LRRFIP1: variants seen among roughly 807,000 people sequenced by gnomAD.
LRRFIP1 encodes the protein LRR binding FLII interacting protein 1.
In LRRFIP1, 62 loss-of-function variants were observed where a neutral mutation model predicts 104.4. The observed-to-expected ratio is 0.59, with a 90% confidence interval of 0.48 to 0.73. The LOEUF is 0.73. LRRFIP1 is among the 30% of genes least tolerant of loss of function. The probability of loss-of-function intolerance (pLI) is 0.00; values close to 1 mark genes in which losing one functional copy is unlikely to be tolerated. For missense variants in LRRFIP1, 796 were observed against 824.5 expected, an observed-to-expected ratio of 0.97 and a Z score of 0.42; for synonymous variants, 300 against 299.0, an observed-to-expected ratio of 1.00 and a Z score of -0.03.
At chr2:237,674,801 G>A (rs1013511500) in intron 1 of LRRFIP1, among the ~76,000 whole-genome samples, 6 of 152,280 alleles carry the variant, frequency 3.9e-5, no homozygotes, top group African/African-American at 9.6e-5. Context: ...CTTTCGGGTT[G>A]TTGCTGAGAG....
At chr2:237,638,428 G>T (rs146920194) in intron 1 of LRRFIP1, among the ~76,000 whole-genome samples, 25 of 152,204 alleles carry the variant, frequency 1.6e-4, no homozygotes, top group African/African-American at 5.3e-4. Context: ...TCACTCACCC[G>T]CCTGCCGCTC....
Position 237,760,135 on chromosome 2 carries a change from AT to A in LRRFIP1, c.1390del (p.Tyr464ThrfsTer7). ...CTTCCGACACCCTCAATAATGTTGGATACCAAGGTCCTACCAAGATGACAAA... is the reference window on the plus strand; with the variant it reads ...CTTCCGACACCCTCAATAATGTTGGAACCAAGGTCCTACCAAGATGACAAA... ...ETSDTLNNVGYQGPTKMTKEE... is the reference protein window; with the variant it reads ...ETSDTLNNVGXQGPTKMTKEE... On this transcript the variant is annotated frameshift_variant, in exon 19 of 24. Transcript: ENST00000308482. LOFTEE classifies it high-confidence loss of function. The A allele has an allele frequency of 4.3e-6, 7 of 1,614,008 alleles. No individual in the cohort carries two copies. The highest frequency in any genetic ancestry group is 5.9e-6 in the Non-Finnish European group (7 of 1,179,880).
intron 1 of LRRFIP1, among the ~76,000 whole-genome samples, chr2:237,699,344 T>C (rs2093373093): frequency 6.7e-6 from 1 of 149,824 alleles, no homozygotes; most frequent in South Asian, 2.1e-4. Context: ...GGTTTTTCTT[T>C]TCTTTTTTTT....
At chr2:237,690,565 C>T (rs1455091725) in intron 1 of LRRFIP1, among the ~76,000 whole-genome samples, 1 of 151,830 alleles carries the variant, frequency 6.6e-6, no homozygotes, top group Non-Finnish European at 1.5e-5. Context: ...GGTGAAACCC[C>T]GACTCTACTA....
At chr2:237,769,476 G>A (rs955613405) in intron 19 of LRRFIP1, 4 of 160,640 alleles carry the variant, frequency 2.5e-5, no homozygotes, top group Non-Finnish European at 5.5e-5. Context: ...AGATACTCAT[G>A]GCACTGACAT....
At chr2:237,680,262 T>C (rs1475441695) in intron 1 of LRRFIP1, among the ~76,000 whole-genome samples, 1 of 152,118 alleles carries the variant, frequency 6.6e-6, no homozygotes, top group East Asian at 1.9e-4. Flanking sequence ...AAGGCCAAGA[T>C]GGGAGGGTCG....
intron 1 of LRRFIP1, among the ~76,000 whole-genome samples, chr2:237,628,435 C>CT (rs35206141): frequency 4.1e-4 from 62 of 149,924 alleles, no homozygotes; most frequent in South Asian, 4.2e-4. Context: ...GTACAAATGC[C>CT]TTTTTTTTTT....
intron 11 of LRRFIP1, 93 bp from the exon 12 acceptor site, chr2:237,748,271 T>G: frequency 1.1e-6 from 1 of 950,112 alleles, no homozygotes; most frequent in Non-Finnish European, 1.7e-6. Context: ...GCAAATGTTT[T>G]GTTTTGTTTT....
chr2:237,660,677 T>C (rs1432131536), intron 1 of LRRFIP1, among the ~76,000 whole-genome samples: 2 of 152,186 alleles, frequency 1.3e-5, no homozygotes, highest in African/African-American at 2.4e-5. Flanking sequence ...CAAACAAATT[T>C]GTCTGCCATA....
At chr2:237,719,464 A>G in intron 4 of LRRFIP1, 59 bp from the exon 5 acceptor site, 1 of 1,297,612 alleles carries the variant, frequency 7.7e-7, no homozygotes, top group Non-Finnish European at 1.1e-6. Flanking sequence ...AGCTTTTTTA[A>G]AGCACTTTTC....
intron 1 of LRRFIP1, among the ~76,000 whole-genome samples, chr2:237,666,057 C>T (rs868255821): frequency 3.9e-5 from 6 of 152,330 alleles, no homozygotes; most frequent in Middle Eastern, 3.4e-3. Flanking sequence ...ACCCTGGCTG[C>T]ACCACCGATT....
rs565701830 is a variant in LRRFIP1 at position 237,680,133 on chromosome 2, G to C, written c.97-28411G>C. On this transcript the variant is annotated intron_variant, in intron 1 of 23. Coordinates refer to ENST00000308482, the MANE Select transcript of LRRFIP1 (RefSeq NM_001137550.2). Reference sequence around the variant, plus strand: ...TAAATACAGTTGGCCCTTTGTGTCTGTGGGTTCCACATTCATGGATTCAAC... The same window carrying C: ...TAAATACAGTTGGCCCTTTGTGTCTCTGGGTTCCACATTCATGGATTCAAC... 1.1e-4 allele frequency among the ~76,000 whole-genome samples: 17 copies of C among 152,276 alleles called. No homozygotes were observed. The South Asian group carries it at 3.5e-3, about 32-fold the overall frequency.
chr2:237,692,553 C>G (rs1298221401), intron 1 of LRRFIP1: 18 of 1,490,332 alleles, frequency 1.2e-5, no homozygotes, highest in Middle Eastern at 1.8e-4. Context: ...AACTTTCTTT[C>G]GTGACTGCGG....
At chr2:237,664,161 C>T (rs1449679579) in intron 1 of LRRFIP1, among the ~76,000 whole-genome samples, 1 of 152,200 alleles carries the variant, frequency 6.6e-6, no homozygotes, top group Non-Finnish European at 1.5e-5. Flanking sequence ...CAGCCAGAGC[C>T]GTTTTAGTGA....
chr2:237,744,811 TC>T (rs2057591119), intron 11 of LRRFIP1, among the ~76,000 whole-genome samples: 1 of 152,252 alleles, frequency 6.6e-6, no homozygotes, highest in Non-Finnish European at 1.5e-5. Context: ...TGCAATGTGT[TC>T]GGCGCTGTCG....
chr2:237,634,854 T>A (rs2149269912), intron 1 of LRRFIP1, among the ~76,000 whole-genome samples: 1 of 152,360 alleles, frequency 6.6e-6, no homozygotes, highest in South Asian at 2.1e-4. Flanking sequence ...CCCATCAAAA[T>A]GCTATGTTCT....
chr2:237,634,697 A>G, intron 1 of LRRFIP1, among the ~76,000 whole-genome samples: 1 of 152,220 alleles, frequency 6.6e-6, no homozygotes, highest in East Asian at 1.9e-4. Context: ...TGCAGAGCCA[A>G]GCAGTGTACT....
In LRRFIP1 at chr2:237,708,888, A is replaced by G. The variant is rs186124544; in HGVS notation, c.183+258A>G. On this transcript the variant is annotated intron_variant, in intron 2 of 23. Coordinates refer to ENST00000308482, the MANE Select transcript of LRRFIP1 (RefSeq NM_001137550.2). The stretch of plus-strand genomic sequence containing the variant: ...CTTGCCTGCGCAGATCGTCGTTTCT[A>G]GCTGCGAGGAGCCAAAATGTTCAGG... 3 of 597,520 alleles carry G rather than the reference A, an allele frequency of 5.0e-6. No individual in the cohort carries two copies. The African/African-American group carries it at 5.5e-5, about 11-fold the overall frequency. 37.0% of individuals were successfully genotyped at this position (597,520 alleles called of 1,614,324 possible). A position where few individuals can be genotyped will look rare whatever the true frequency, so the allele number is the denominator to read the frequency against.
At chr2:237,654,622 C>T (rs2086491087) in intron 1 of LRRFIP1, among the ~76,000 whole-genome samples, 1 of 151,932 alleles carries the variant, frequency 6.6e-6, no homozygotes, top group South Asian at 2.1e-4. Flanking sequence ...GCAATCTCTG[C>T]TCACTGCAAC....
Sources: allele counts gnomAD v4.1 joint callset (sites outside exome capture counted in the v4.1 genomes callset), GRCh38; gene constraint gnomAD v4.1.1; transcripts MANE v1.5; gene names NCBI Gene and HGNC (gene_info 2026-07-23, HGNC 2026-07-21).